ERMAP: variants seen among roughly 807,000 people sequenced by gnomAD.
ERMAP encodes erythroid membrane-associated protein.
ERMAP carries 34 observed loss-of-function variants against 49.5 expected under a neutral mutation model. The ratio of observed to expected loss-of-function variants is 0.69; its 90% CI spans 0.52 to 0.91. The LOEUF is 0.91. Among genes scored for constraint, ERMAP ranks in the 40% least tolerant of loss-of-function variants. The probability of loss-of-function intolerance (pLI) is 0.00; values close to 1 mark genes in which losing one functional copy is unlikely to be tolerated. For missense variants in ERMAP, 541 were observed against 582.6 expected (o/e 0.93, Z 0.74); for synonymous variants, 214 against 232.2 (o/e 0.92, Z 0.71).
Position 42,819,958 on chromosome 1 carries a change from T to C in ERMAP, c.-122+2705T>C, listed in dbSNP as rs2124274614. ...ATGTTTTTCCATTCTTGGTTTATTC[T>C]CTCATTTTGGAGGAGTATGTTCTCC... is the stretch of plus-strand genomic sequence containing the variant. On this transcript the variant is annotated intron_variant, in intron 1 of 11. Coordinates refer to ENST00000372517, the MANE Select transcript of ERMAP (RefSeq NM_001017922.2). This position sits in a 1 kb window ranked among gnomAD's most constrained non-coding sequence, Gnocchi z 5.1. 6.6e-6 allele frequency among the ~76,000 whole-genome samples: 1 copy of C among 152,326 alleles called. No individual in the cohort carries two copies. The highest frequency in any genetic ancestry group is 2.4e-5 in the African/African-American group (1 of 41,578).
intron 8 of ERMAP, 100 bp downstream of exon 8, chr1:42,839,021 G>T (rs746278370): frequency 1.3e-6 from 2 of 1,595,092 alleles, no homozygotes; most frequent in Non-Finnish European, 1.7e-6. Flanking sequence ...AAGGGAGGGG[G>T]TACTGGTAAT....
rs1180759132 is a variant in ERMAP at position 42,817,146 on chromosome 1, G to C, written c.-229G>C. The C allele has an allele frequency of 1.7e-6, 2 of 1,199,336 alleles. No homozygotes were observed. The highest frequency in any genetic ancestry group is 2.1e-6 in the Non-Finnish European group (2 of 941,254). The allele number at this position is 1,199,336 out of a possible 1,614,324, so 74.3% of individuals were successfully genotyped here. On this transcript the variant is annotated 5_prime_UTR_variant, in exon 1 of 12. The change abolishes an upstream ATG in the 5' untranslated region. Transcript: ENST00000372517. ...CCTCTTCCCTCTCCTGGAGGAAAATGGCGGTCGCTGGAGCCGCCGACCAAG... is the reference window on the plus strand; with the variant it reads ...CCTCTTCCCTCTCCTGGAGGAAAATCGCGGTCGCTGGAGCCGCCGACCAAG...
At chr1:42,836,912 A>AAG in intron 6 of ERMAP, 1 of 378,432 alleles carries the variant, frequency 2.6e-6, no homozygotes, top group East Asian at 4.0e-5. Flanking sequence ...TTAAAAAAAA[A>AAG]AAAAAAACTA....
intron 7 of ERMAP, 148 bp downstream of exon 7, chr1:42,837,338 T>C: frequency 3.2e-6 from 3 of 948,550 alleles, no homozygotes; most frequent in Non-Finnish European, 4.6e-6. Flanking sequence ...TACTGGAATT[T>C]AGTGTGCAAT....
In ERMAP at chr1:42,817,284, C is replaced by G. The variant is rs1466911213; in HGVS notation, c.-122+31C>G. On this transcript the variant is annotated intron_variant, in intron 1 of 11. Coordinates refer to ENST00000372517, the MANE Select transcript of ERMAP (RefSeq NM_001017922.2). ...CCTCGCCTTCCCCCGACCACTGGAC[C>G]CAGCGCTGCCTGCCCACCGCCCCTC... is the stretch of plus-strand genomic sequence containing the variant. The G allele has an allele frequency of 4.1e-6, 5 of 1,215,896 alleles. No homozygotes were observed. In the East Asian group the frequency reaches 2.7e-4, roughly 65 times the overall value. 75.3% of individuals were successfully genotyped at this position (1,215,896 alleles called of 1,614,324 possible).
chr1:42,832,453 C>T (rs1654774032), intron 4 of ERMAP, among the ~76,000 whole-genome samples: 1 of 152,028 alleles, frequency 6.6e-6, no homozygotes. Context: ...CCACAACCTC[C>T]GCCTCCCAGG....
Position 42,842,755 on chromosome 1 carries a change from G to A in ERMAP, c.951G>A (p.Lys317=), listed in dbSNP as rs149186125. 1.9e-5 allele frequency: 30 copies of A among 1,614,070 alleles called. No individual in the cohort carries two copies. Among genetic ancestry groups the A allele is most frequent in the Non-Finnish European group, 2.5e-5 (30 of 1,180,032 alleles). ...TATGTAGTGAGTCAGTGAGCAGGAA[G>A]GGGAAGGTTACTGCCTCACCTGCCA... ...LGVCSESVSR[K]GKVTASPANG... Residue 317 remains lysine (K), a synonymous_variant, in exon 12 of 12, where the codon AAG becomes AAA. Transcript: ENST00000372517.
intron 7 of ERMAP, among the ~76,000 whole-genome samples, chr1:42,838,290 T>G (rs1048557474): frequency 6.6e-6 from 1 of 152,156 alleles, no homozygotes; most frequent in Non-Finnish European, 1.5e-5. Context: ...TGCCCGGCCC[T>G]TAGCACAGGG....
chr1:42,831,673 A>G (rs2124320396), intron 4 of ERMAP, among the ~76,000 whole-genome samples: 1 of 137,198 alleles, frequency 7.3e-6, no homozygotes, highest in African/African-American at 2.7e-5. Context: ...AGCCTTGACC[A>G]CCTGGGCTCA....
intron 2 of ERMAP, among the ~76,000 whole-genome samples, chr1:42,826,717 A>T (rs192709691): frequency 4.6e-5 from 7 of 152,104 alleles, no homozygotes; most frequent in Non-Finnish European, 8.8e-5. Flanking sequence ...TTAGCTGGGC[A>T]TGGTGGTGTG....
chr1:42,822,179 A>T (rs1005034471), intron 1 of ERMAP, among the ~76,000 whole-genome samples: 13 of 151,738 alleles, frequency 8.6e-5, no homozygotes, highest in African/African-American at 2.2e-4. Flanking sequence ...AATCCTTTTT[A>T]AAAAATTAAT....
chr1:42,828,450 A>G (rs1484601254), intron 2 of ERMAP, among the ~76,000 whole-genome samples: 2 of 152,032 alleles, frequency 1.3e-5, no homozygotes, highest in African/African-American at 4.8e-5. Flanking sequence ...TGGCAGAGCC[A>G]GGACTTGAAC....
rs1449905398 is a variant in ERMAP, at chr1:42,842,555, C to T, written c.751C>T (p.Leu251Phe). 1 of 1,614,136 alleles carries T rather than the reference C, an allele frequency of 6.2e-7. No homozygotes were observed. The highest frequency in any genetic ancestry group is 8.5e-7 in the Non-Finnish European group (1 of 1,180,006). The change falls in exon 12 of 12, where the codon CTC (leucine) becomes TTC (phenylalanine). Residue 251 changes from leucine to phenylalanine, a missense_variant. Physicochemically the swap from Leu to Phe is conservative, Grantham distance 22 (BLOSUM62 0). Transcript: ENST00000372517. ...GGACCCAGACACAGCACATCCCAAA[C>T]TCATCCTTTCTGAGGACCAAAGATG... ...TLDPDTAHPK[L>F]ILSEDQRCVR...
chr1:42,830,635 TC>T, intron 3 of ERMAP, 102 bp downstream of exon 3: 2 of 1,477,840 alleles, frequency 1.4e-6, no homozygotes, highest in Non-Finnish European at 1.9e-6. Flanking sequence ...GGGGTTCTGT[TC>T]CCCCGGCCCT....
chr1:42,818,292 A>C (rs1318797399), intron 1 of ERMAP, among the ~76,000 whole-genome samples: 1 of 152,218 alleles, frequency 6.6e-6, no homozygotes, highest in Admixed American at 6.5e-5. Flanking sequence ...CAAAAAGACA[A>C]ATACTGCATG....
chr1:42,833,598 A>G (rs1032983851), intron 4 of ERMAP, among the ~76,000 whole-genome samples: 1 of 152,254 alleles, frequency 6.6e-6, no homozygotes, highest in Non-Finnish European at 1.5e-5. Context: ...TCCTCATATT[A>G]TAATGAAGGG....
rs368560991 is a variant in ERMAP at position 42,843,114 on chromosome 1, C to T, written c.1310C>T (p.Ser437Phe). The T allele has an allele frequency of 1.1e-4, 173 of 1,614,162 alleles. No homozygotes were observed. Among genetic ancestry groups the T allele is most frequent in the Admixed American group, 3.3e-4 (20 of 60,022 alleles). The change falls in exon 12 of 12, where the codon TCC becomes TTC. Residue 437 changes from serine (S) to phenylalanine (F), a missense_variant. Transcript: ENST00000372517. ...EGKGHANGDVSLKVNSSLLPP... is the reference protein window; with the variant it reads ...EGKGHANGDVFLKVNSSLLPP... Reference sequence around the variant, plus strand: ...AAAGGCCATGCTAATGGAGATGTGTCCCTCAAGGTGAACTCTTCTTTACTA... The same window carrying T: ...AAAGGCCATGCTAATGGAGATGTGTTCCTCAAGGTGAACTCTTCTTTACTA...
intron 6 of ERMAP, chr1:42,836,905 A>T: frequency 3.2e-6 from 1 of 313,326 alleles, no homozygotes; most frequent in South Asian, 9.7e-5. Context: ...GGCAGATTTA[A>T]AAAAAAAAAA....
chr1:42,840,347 T>G, intron 11 of ERMAP, 51 bp downstream of exon 11: 3 of 1,611,266 alleles, frequency 1.9e-6, no homozygotes, highest in Non-Finnish European at 2.5e-6. Flanking sequence ...TTCCTCCTTA[T>G]GGCTTTGTAA....
Sources: allele counts gnomAD v4.1 joint callset (sites outside exome capture counted in the v4.1 genomes callset), GRCh38; gene constraint gnomAD v4.1.1; non-coding constraint Gnocchi (gnomAD v3.1); transcripts MANE v1.5; gene names NCBI Gene and HGNC (gene_info 2026-07-23, HGNC 2026-07-21).